Variants in THSD7B observed in about 807,000 individuals in gnomAD.
The protein encoded by THSD7B is thrombospondin type 1 domain containing 7B, also known as thrombospondin type-1 domain-containing protein 7B.
A neutral mutation model predicts 213.6 loss-of-function variants in THSD7B; 138 were observed. The observed-to-expected ratio is 0.65, with a 90% CI of 0.56 to 0.74. The LOEUF is 0.74. THSD7B is among the 30% of genes least tolerant of loss of function. The pLI is 0.00. For missense variants in THSD7B, 1,931 were observed against 1,991.5 expected (o/e 0.97, Z 0.58); for synonymous variants, 742 against 687.0 (o/e 1.08, Z -1.25).
At chr2:137,284,210 A>T (rs1316477569) in intron 12 of THSD7B, among the ~76,000 whole-genome samples, 2 of 152,080 alleles carry the variant, frequency 1.3e-5, no homozygotes, top group African/African-American at 4.8e-5. Context: ...GTATTCTCTG[A>T]TGGTAGTTTG....
At chr2:137,435,881 G>A (rs139005502) in intron 14 of THSD7B, among the ~76,000 whole-genome samples, 104 of 152,084 alleles carry the variant, frequency 6.8e-4, no homozygotes, top group Non-Finnish European at 1.4e-3. Context: ...TTGGGTCTCC[G>A]GATTCAGCCT....
At chr2:136,777,357 C>T (rs1278873423) in intron 1 of THSD7B, among the ~76,000 whole-genome samples, 2 of 152,106 alleles carry the variant, frequency 1.3e-5, no homozygotes, top group Non-Finnish European at 2.9e-5. Context: ...CATCTCTTGC[C>T]CTCCTTTCAA....
At chr2:136,811,872 C>T (rs767140556) in intron 1 of THSD7B, among the ~76,000 whole-genome samples, 13 of 152,126 alleles carry the variant, frequency 8.5e-5, no homozygotes, top group African/African-American at 2.4e-4. Context: ...GGAAGGGTGT[C>T]GGCTCTTCAA....
At chr2:137,014,248 A>G (rs1006622491) in intron 2 of THSD7B, among the ~76,000 whole-genome samples, 4 of 152,194 alleles carry the variant, frequency 2.6e-5, no homozygotes, top group Non-Finnish European at 5.9e-5. Context: ...GGAAGGCTTC[A>G]GGCCCCTGGC....
Position 137,215,745 on chromosome 2 carries a change from G to T in THSD7B, c.1724-15299G>T, listed in dbSNP as rs1237719830. On this transcript the variant is annotated intron_variant, in intron 7 of 27. Coordinates refer to ENST00000409968, the MANE Select transcript of THSD7B (RefSeq NM_001316349.2). ...TATTCTTTATTCTCTTAATCTTTGTGAATTAGCTCTTTGACTACTTTGAAT... is the reference window on the plus strand; with the variant it reads ...TATTCTTTATTCTCTTAATCTTTGTTAATTAGCTCTTTGACTACTTTGAAT... Among the ~76,000 whole-genome samples the T allele has an allele frequency of 3.3e-5, 5 of 152,088 alleles. No individual in the cohort carries two copies. In the South Asian group the frequency reaches 6.2e-4, roughly 19 times the overall value.
intron 2 of THSD7B, among the ~76,000 whole-genome samples, chr2:136,954,476 G>A (rs929985975): frequency 6.6e-6 from 1 of 152,040 alleles, no homozygotes; most frequent in Non-Finnish European, 1.5e-5. Flanking sequence ...CAGCCCTTTG[G>A]GAGGCCGAGG....
intron 15 of THSD7B, among the ~76,000 whole-genome samples, chr2:137,550,799 T>C (rs1476716369): frequency 6.6e-6 from 1 of 152,032 alleles, no homozygotes; most frequent in Non-Finnish European, 1.5e-5. Flanking sequence ...CTCATGTTTA[T>C]AAGATCATCA....
At chr2:137,265,107 T>C (rs1338615307) in intron 10 of THSD7B, among the ~76,000 whole-genome samples, 3 of 152,170 alleles carry the variant, frequency 2.0e-5, no homozygotes, top group Non-Finnish European at 4.4e-5. Flanking sequence ...GATAGTTTAC[T>C]GAGAATGATG....
chr2:137,550,245 G>A (rs919382776), intron 15 of THSD7B, among the ~76,000 whole-genome samples: 4 of 151,850 alleles, frequency 2.6e-5, no homozygotes, highest in African/African-American at 7.3e-5. Flanking sequence ...AAAATACAGT[G>A]GGAGTCTGAT....
intron 7 of THSD7B, among the ~76,000 whole-genome samples, chr2:137,211,335 C>CAA (rs1681098880): frequency 3.6e-5 from 1 of 27,696 alleles, no homozygotes; most frequent in East Asian, 2.1e-3. Flanking sequence ...CCTTCCTACA[C>CAA]ACACACACAC....
chr2:137,356,274 C>T (rs1452629627), intron 12 of THSD7B, among the ~76,000 whole-genome samples: 1 of 152,156 alleles, frequency 6.6e-6, no homozygotes, highest in African/African-American at 2.4e-5. Flanking sequence ...TTTCATGATC[C>T]ACCAACTCAC....
chr2:136,927,814 A>G (rs1684565155), intron 2 of THSD7B, among the ~76,000 whole-genome samples: 1 of 152,202 alleles, frequency 6.6e-6, no homozygotes, highest in African/African-American at 2.4e-5. Flanking sequence ...CAACAGCTCA[A>G]TTTTTGACAC....
intron 1 of THSD7B, among the ~76,000 whole-genome samples, chr2:136,791,337 AG>A (rs1277141740): frequency 6.6e-6 from 1 of 151,996 alleles, no homozygotes; most frequent in Non-Finnish European, 1.5e-5. Flanking sequence ...TCAAAAAAAC[AG>A]GGTTTTTAAA....
chr2:137,615,463 GCTGGATGAAAT>G (rs1365249843), intron 17 of THSD7B, among the ~76,000 whole-genome samples: 1 of 152,210 alleles, frequency 6.6e-6, no homozygotes, highest in African/African-American at 2.4e-5. Flanking sequence ...GGGTAGACCA[GCTGGATGAAAT>G]CTGGCAGGCC....
At chr2:137,319,115 T>G (rs888319601) in intron 12 of THSD7B, among the ~76,000 whole-genome samples, 12 of 152,178 alleles carry the variant, frequency 7.9e-5, no homozygotes, top group South Asian at 4.1e-4. Context: ...ATAAAATATC[T>G]TTCTATACTC....
chr2:137,274,683 G>T (rs1243745041), intron 11 of THSD7B, among the ~76,000 whole-genome samples: 1 of 151,982 alleles, frequency 6.6e-6, no homozygotes, highest in African/African-American at 2.4e-5. Flanking sequence ...GGTCAAGAAG[G>T]TCTGTATAAA....
chr2:137,355,659 A>G (rs568794987), intron 12 of THSD7B, among the ~76,000 whole-genome samples: 1 of 152,304 alleles, frequency 6.6e-6, no homozygotes, highest in South Asian at 2.1e-4. Flanking sequence ...AAGAGTTGCA[A>G]ATATAGTCAC....
intron 20 of THSD7B, among the ~76,000 whole-genome samples, chr2:137,639,011 A>AT (rs55903155): frequency 0.18 from 26,845 of 147,562 alleles, 2,520 homozygotes; most frequent in South Asian, 0.26. Flanking sequence ...AGAAAAAGCC[A>AT]TTTTTTTTTT....
chr2:136,911,314 T>G (rs183541965), intron 2 of THSD7B, among the ~76,000 whole-genome samples: 1 of 152,202 alleles, frequency 6.6e-6, no homozygotes. Context: ...TGCCATTCAT[T>G]AATAATTCTT....
Sources: allele counts gnomAD v4.1 joint callset (sites outside exome capture counted in the v4.1 genomes callset), GRCh38; gene constraint gnomAD v4.1.1; transcripts MANE v1.5; gene names NCBI Gene and HGNC (gene_info 2026-07-23, HGNC 2026-07-21).